Variants in DNAH8 observed in about 807,000 individuals in gnomAD.
DNAH8 encodes dynein axonemal heavy chain 8.
In DNAH8, 382 loss-of-function variants were observed where a neutral mutation model predicts 562.1. The ratio of observed to expected loss-of-function variants is 0.68; its 90% CI spans 0.63 to 0.74. DNAH8 has a LOEUF of 0.74. Ranked by LOEUF, DNAH8 falls within the 30% of genes least tolerant of loss-of-function variation. The pLI is 0.00. For missense variants in DNAH8, 5,203 were observed against 5,620.4 expected (o/e 0.93, Z 2.37); for synonymous variants, 1,881 against 1,919.4 (o/e 0.98, Z 0.52).
At chr6:38,794,541 G>A (rs1014033570) in intron 21 of DNAH8, among the ~76,000 whole-genome samples, 11 of 152,092 alleles carry the variant, frequency 7.2e-5, no homozygotes, top group African/African-American at 2.7e-4. Context: ...ATTCCTTTGT[G>A]CTTTACTCCA....
chr6:38,837,564 CTT>C (rs1276393579), intron 32 of DNAH8, among the ~76,000 whole-genome samples: 2 of 152,178 alleles, frequency 1.3e-5, no homozygotes, highest in Non-Finnish European at 2.9e-5. Context: ...TAGACTAACA[CTT>C]TGCTCATTTG....
chr6:38,872,111 T>C (rs1165501478), intron 49 of DNAH8, among the ~76,000 whole-genome samples: 1 of 152,186 alleles, frequency 6.6e-6, no homozygotes, highest in East Asian at 1.9e-4. Flanking sequence ...TCTGGGGAAT[T>C]AGAAGGCCCC....
chr6:38,959,966 T>A (rs959257799), intron 82 of DNAH8, among the ~76,000 whole-genome samples: 15 of 152,030 alleles, frequency 9.9e-5, no homozygotes, highest in African/African-American at 3.4e-4. Flanking sequence ...AACCCATGCA[T>A]TTACAACCAA....
intron 58 of DNAH8, among the ~76,000 whole-genome samples, chr6:38,892,504 T>C (rs1220834693): frequency 6.6e-6 from 1 of 152,156 alleles, no homozygotes; most frequent in African/African-American, 2.4e-5. Flanking sequence ...CCTCATGGCC[T>C]ACATCGAGTC....
At position 38,781,263 on chromosome 6, in the gene DNAH8, T is replaced by C. The variant is rs1317703164; in HGVS notation, c.2149T>C (p.Ser717Pro). 40 of 1,613,748 alleles carry C rather than the reference T, an allele frequency of 2.5e-5. No homozygotes were observed. In the Admixed American group the frequency reaches 6.3e-4, roughly 26 times the overall value. The change falls in exon 16 of 93, where the codon TCT becomes CCT. Residue 717 changes from serine (S) to proline (P), a missense_variant. Around this residue, in one of 6 missense-constraint regions of DNAH8, gnomAD observed 2,176 missense variants for 2,365.1 expected, o/e 0.92. Coordinates refer to ENST00000327475, the MANE Select transcript of DNAH8 (RefSeq NM_001206927.2). The part of the protein sequence containing the change: ...ELDATKKLYH[S>P]QKDDPPLARN... ...AGATTTTTAATTACAGCTTTATCAT[T>C]CTCAGAAAGATGACCCCCCTCTTGC...
At chr6:39,013,662 G>A (rs910023050) in intron 91 of DNAH8, among the ~76,000 whole-genome samples, 28 of 152,080 alleles carry the variant, frequency 1.8e-4, no homozygotes, top group Admixed American at 1.6e-3. Context: ...GACCAGTGGG[G>A]CAACATGGTA....
chr6:38,855,165 G>A (rs1211552121), intron 41 of DNAH8, among the ~76,000 whole-genome samples: 1 of 151,686 alleles, frequency 6.6e-6, no homozygotes, highest in African/African-American at 2.4e-5. Context: ...ATCTGAAATT[G>A]TTTAAAATTC....
intron 41 of DNAH8, among the ~76,000 whole-genome samples, chr6:38,856,828 C>T (rs1488248141): frequency 1.3e-5 from 2 of 152,022 alleles, no homozygotes; most frequent in East Asian, 3.9e-4. Flanking sequence ...ATCTGTCATT[C>T]GACTCTGGAT....
Position 38,740,168 on chromosome 6 carries a change from T to C in DNAH8, c.1117-1543T>C, listed in dbSNP as rs116793670. Among the ~76,000 whole-genome samples the C allele has an allele frequency of 2.8e-3, 427 of 152,350 alleles. 4 individuals are homozygous for C. The highest frequency in any genetic ancestry group is 1.0e-2 in the African/African-American group (414 of 41,584). On this transcript the variant is annotated intron_variant, in intron 7 of 92. Coordinates refer to ENST00000327475, the MANE Select transcript of DNAH8 (RefSeq NM_001206927.2). The stretch of plus-strand genomic sequence containing the variant: ...TCTTTTCTCTGTTTTTCCTCAAAAT[T>C]ACATTGACTGTTGCAGGCTAATTGT...
rs1483999899 is a variant in DNAH8 at position 38,823,672 on chromosome 6, A to C, written c.3831A>C (p.Ala1277=). ...DELKPIIVVG[A]LELHTEPMKL... ...TGAAGCCTATTATTGTTGTAGGAGCACTTGAATTACATACAGGTATTTTAA... is the reference window on the plus strand; with the variant it reads ...TGAAGCCTATTATTGTTGTAGGAGCCCTTGAATTACATACAGGTATTTTAA... Residue 1277 remains alanine, a synonymous_variant, in exon 28 of 93, where the codon GCA becomes GCC. Transcript: ENST00000327475. 6.3e-7 allele frequency: 1 copy of C among 1,598,516 alleles called. No individual in the cohort carries two copies.
chr6:38,772,996 T>TTTTTTTTTTTTTG (rs1554205957), intron 12 of DNAH8, among the ~76,000 whole-genome samples: 1 of 109,942 alleles, frequency 9.1e-6, no homozygotes, highest in African/African-American at 3.6e-5. Context: ...TTTTTTTTTT[T>TTTTTTTTTTTTTG]TTGTAGAGAT....
chr6:38,724,251 G>A (rs144331500), intron 3 of DNAH8, among the ~76,000 whole-genome samples: 19,870 of 152,032 alleles, frequency 0.13, 1,474 homozygotes, highest in Admixed American at 0.23. Context: ...AAAGTGCTGG[G>A]ATTACAGGCG....
rs765492552 is a variant in DNAH8 at position 39,012,379 on chromosome 6, T to C, written c.13524+12T>C. 2 of 1,610,128 alleles carry C rather than the reference T, an allele frequency of 1.2e-6. No homozygotes were observed. Among genetic ancestry groups the C allele is most frequent in the Non-Finnish European group, 1.7e-6 (2 of 1,176,948 alleles). On this transcript the variant is annotated intron_variant, in intron 90 of 92. Coordinates refer to ENST00000327475, the MANE Select transcript of DNAH8 (RefSeq NM_001206927.2). The stretch of plus-strand genomic sequence containing the variant: ...TCATTATGAGTGAGGTGAGCTGTTA[T>C]TACATCAGTAGGCATTTCCTTCTTT...
rs577628758 is a variant in DNAH8, at chr6:38,781,159, G to T, written c.2140-95G>T. ...TGACTACCTACTGTATATAAAACAT[G>T]AATAATGATAAAACAATACAAATAT... On this transcript the variant is annotated intron_variant, in intron 15 of 92. Transcript: ENST00000327475. 2.3e-4 allele frequency: 312 copies of T among 1,371,302 alleles called. No individual in the cohort carries two copies. In the African/African-American group the frequency reaches 3.1e-3, roughly 14 times the overall value. The allele number at this position is 1,371,302 out of a possible 1,614,324, so 84.9% of individuals were successfully genotyped here. A position where few individuals can be genotyped will look rare whatever the true frequency, so the allele number is the denominator to read the frequency against.
intron 45 of DNAH8, among the ~76,000 whole-genome samples, chr6:38,865,996 T>G (rs975091157): frequency 2.6e-5 from 4 of 152,206 alleles, no homozygotes; most frequent in Non-Finnish European, 5.9e-5. Context: ...ACCTGTTGCT[T>G]CTTAGGAGGA....
intron 25 of DNAH8, 32 bp downstream of exon 25, chr6:38,814,161 T>C (rs1772041890): frequency 8.0e-7 from 1 of 1,246,542 alleles, no homozygotes; most frequent in Non-Finnish European, 1.2e-6. Context: ...GATAATTTGA[T>C]AAGGTGCTTA....
chr6:38,893,030 ATATT>A (rs1779441966), intron 58 of DNAH8, among the ~76,000 whole-genome samples: 1 of 152,012 alleles, frequency 6.6e-6, no homozygotes. Context: ...CATTATTTGC[ATATT>A]TACATATATA....
At chr6:38,925,439 G>A (rs1782043770) in intron 73 of DNAH8, among the ~76,000 whole-genome samples, 1 of 151,720 alleles carries the variant, frequency 6.6e-6, no homozygotes, top group Non-Finnish European at 1.5e-5. Context: ...GGGCTCAAGT[G>A]ACCCTCCCAG....
intron 81 of DNAH8, among the ~76,000 whole-genome samples, chr6:38,949,838 T>C (rs1761738789): frequency 6.6e-6 from 1 of 152,218 alleles, no homozygotes; most frequent in Non-Finnish European, 1.5e-5. Context: ...TTAATGATAG[T>C]GCTTTTAGCA....
Sources: gnomAD v4.1 joint callset for allele counts (sites outside exome capture counted in the v4.1 genomes callset) on GRCh38, gnomAD v4.1.1 for gene constraint, gnomAD v4.1.1 regional missense constraint, MANE v1.5 for transcripts, NCBI Gene and HGNC (gene_info 2026-07-23, HGNC 2026-07-21) for gene names.